SH2D4A: variants seen among roughly 807,000 people sequenced by gnomAD.
SH2D4A encodes SH2 domain containing 4A, also known as SH2 domain-containing protein 4A.
In SH2D4A, 70 loss-of-function variants were observed where a neutral mutation model predicts 64.7. That is an observed-to-expected ratio of 1.08 (90% CI 0.89 to 1.32). The LOEUF is 1.32. SH2D4A is among the 40% of genes most tolerant of loss of function. The probability of loss-of-function intolerance (pLI) is 0.00; values close to 1 mark genes in which losing one functional copy is unlikely to be tolerated. For synonymous variants in SH2D4A, 268 were observed against 200.7 expected, an observed-to-expected ratio of 1.34 and a Z score of -2.83; for missense variants, 706 against 540.1, an observed-to-expected ratio of 1.31 and a Z score of -3.04.
At chr8:19,386,002 T>C (rs763147238) in intron 8 of SH2D4A, among the ~76,000 whole-genome samples, 1 of 152,182 alleles carries the variant, frequency 6.6e-6, no homozygotes, top group Non-Finnish European at 1.5e-5. Context: ...AGATGACACA[T>C]ATATCCTGCC....
At chr8:19,341,642 A>G (rs1333724299) in intron 4 of SH2D4A, among the ~76,000 whole-genome samples, 2 of 152,122 alleles carry the variant, frequency 1.3e-5, no homozygotes, top group Non-Finnish European at 2.9e-5. Context: ...CAGGAGTTCA[A>G]CACCAGTCTG....
chr8:19,350,144 T>C (rs968855842), intron 4 of SH2D4A, among the ~76,000 whole-genome samples: 1 of 152,266 alleles, frequency 6.6e-6, no homozygotes, highest in Non-Finnish European at 1.5e-5. Context: ...ATGCTTACAC[T>C]TTATATTTCA....
At chr8:19,345,965 C>T (rs565522855) in intron 4 of SH2D4A, among the ~76,000 whole-genome samples, 1 of 152,228 alleles carries the variant, frequency 6.6e-6, no homozygotes, top group African/African-American at 2.4e-5. Flanking sequence ...CTTTGGAAAC[C>T]TTAAGGTCCA....
intron 2 of SH2D4A, among the ~76,000 whole-genome samples, chr8:19,324,966 G>C (rs2052254425): frequency 6.6e-6 from 1 of 152,110 alleles, no homozygotes; most frequent in Non-Finnish European, 1.5e-5. Flanking sequence ...AACCCAGATT[G>C]CCAAGCCAGA....
At chr8:19,345,968 A>C (rs1460685462) in intron 4 of SH2D4A, among the ~76,000 whole-genome samples, 1 of 152,244 alleles carries the variant, frequency 6.6e-6, no homozygotes, top group Non-Finnish European at 1.5e-5. Context: ...TGGAAACCTT[A>C]AGGTCCAGTC....
chr8:19,348,164 T>G (rs151221614), intron 4 of SH2D4A, among the ~76,000 whole-genome samples: 1 of 152,290 alleles, frequency 6.6e-6, no homozygotes, highest in African/African-American at 2.4e-5. Flanking sequence ...GGTGCAATAA[T>G]GAGTCACTAC....
intron 4 of SH2D4A, among the ~76,000 whole-genome samples, chr8:19,344,396 C>G (rs2052579654): frequency 6.6e-6 from 1 of 152,190 alleles, no homozygotes; most frequent in South Asian, 2.1e-4. Context: ...CGCCTGCATT[C>G]CTTATGCTTT....
chr8:19,372,838 TCTTTA>T (rs1276531160), intron 7 of SH2D4A, among the ~76,000 whole-genome samples: 3 of 150,966 alleles, frequency 2.0e-5, no homozygotes, highest in Non-Finnish European at 4.4e-5. Context: ...ACTTTGTATT[TCTTTA>T]CTTTTTTTTT....
chr8:19,358,703 A>T (rs2052832106), intron 5 of SH2D4A, among the ~76,000 whole-genome samples: 1 of 152,214 alleles, frequency 6.6e-6, no homozygotes, highest in Non-Finnish European at 1.5e-5. Flanking sequence ...AAACAGAGGC[A>T]TCCTCCTTTG....
At chr8:19,358,449 T>C (rs1412369763) in intron 5 of SH2D4A, among the ~76,000 whole-genome samples, 1 of 152,020 alleles carries the variant, frequency 6.6e-6, no homozygotes, top group Non-Finnish European at 1.5e-5. Flanking sequence ...GAGGATGGAA[T>C]TGGGATGGGA....
rs968946779 is a variant in SH2D4A, at chr8:19,344,650, A to T, written c.513+9793A>T. Among the ~76,000 whole-genome samples, 3 of 152,288 alleles carry T rather than the reference A, an allele frequency of 2.0e-5. No individual in the cohort carries two copies. In the East Asian group the frequency reaches 5.8e-4, roughly 29 times the overall value. On this transcript the variant is annotated intron_variant, in intron 4 of 9. Transcript: ENST00000265807. The stretch of plus-strand genomic sequence containing the variant: ...AACATAACAGATTTACAAGTTTCAG[A>T]TTAGGGCGTGGGTATCTTTTAAGGC...
intron 4 of SH2D4A, among the ~76,000 whole-genome samples, chr8:19,354,189 T>G (rs2052754112): frequency 6.6e-6 from 1 of 151,890 alleles, no homozygotes; most frequent in Non-Finnish European, 1.5e-5. Flanking sequence ...TTAGTAGAGA[T>G]GGGGTTTCAC....
At chr8:19,351,080 G>C (rs1184000667) in intron 4 of SH2D4A, among the ~76,000 whole-genome samples, 1 of 152,058 alleles carries the variant, frequency 6.6e-6, no homozygotes, top group African/African-American at 2.4e-5. Flanking sequence ...TAACTTTATT[G>C]AAGCAGAGTT....
intron 1 of SH2D4A, among the ~76,000 whole-genome samples, chr8:19,314,297 T>C (rs974121221): frequency 2.0e-5 from 3 of 152,134 alleles, no homozygotes; most frequent in Non-Finnish European, 4.4e-5. Context: ...GACTTGCGCA[T>C]GGAAATCTTC....
intron 4 of SH2D4A, among the ~76,000 whole-genome samples, chr8:19,353,154 T>C (rs2052734069): frequency 6.6e-6 from 1 of 152,000 alleles, no homozygotes; most frequent in Non-Finnish European, 1.5e-5. Context: ...GGTAGGAGGG[T>C]CATTTTCTTC....
chr8:19,321,800 C>G (rs1178506343), intron 2 of SH2D4A, among the ~76,000 whole-genome samples: 1 of 152,102 alleles, frequency 6.6e-6, no homozygotes, highest in Non-Finnish European at 1.5e-5. Flanking sequence ...GACTAGCAGC[C>G]AAAGGGTTCT....
Position 19,393,490 on chromosome 8 carries a change from C to A in SH2D4A, c.1221C>A (p.Gly407=). 6.2e-7 allele frequency: 1 copy of A among 1,614,184 alleles called. No homozygotes were observed. The highest frequency in any genetic ancestry group is 8.5e-7 in the Non-Finnish European group (1 of 1,180,034). ...DASADAYSFL[G]VDQLQHATLA... Reference sequence around the variant, plus strand: ...CTGCAGACGCCTACAGCTTCCTGGGCGTGGACCAGCTACAGCATGCCACCT... The same window carrying A: ...CTGCAGACGCCTACAGCTTCCTGGGAGTGGACCAGCTACAGCATGCCACCT... The change falls in exon 9 of 10, where the codon GGC becomes GGA. Residue 407 remains glycine (G), a synonymous_variant. Coordinates refer to ENST00000265807, the MANE Select transcript of SH2D4A (RefSeq NM_022071.4).
At chr8:19,389,952 T>A (rs2053461127) in intron 8 of SH2D4A, among the ~76,000 whole-genome samples, 1 of 152,194 alleles carries the variant, frequency 6.6e-6, no homozygotes, top group Non-Finnish European at 1.5e-5. Flanking sequence ...CTTTAAGCTG[T>A]GCAGAGAGGG....
chr8:19,373,374 G>A (rs928723926), intron 7 of SH2D4A, among the ~76,000 whole-genome samples, 156 bp from the exon 8 acceptor site: 2 of 147,978 alleles, frequency 1.4e-5, no homozygotes, highest in African/African-American at 5.1e-5. Context: ...ATATATATTT[G>A]CATGTATAAA....
Sources: gnomAD v4.1 joint callset for allele counts (sites outside exome capture counted in the v4.1 genomes callset) on GRCh38, gnomAD v4.1.1 for gene constraint, MANE v1.5 for transcripts, NCBI Gene and HGNC (gene_info 2026-07-23, HGNC 2026-07-21) for gene names.